Variants in SCN10A observed in about 807,000 individuals in gnomAD.
SCN10A encodes sodium voltage-gated channel alpha subunit 10.
In SCN10A, 162 loss-of-function variants were observed where a neutral mutation model predicts 170.7. The ratio of observed to expected loss-of-function variants is 0.95; its 90% CI spans 0.84 to 1.08. The LOEUF is 1.08. Ranked by LOEUF, SCN10A falls within the 50% of genes least tolerant of loss-of-function variation. The probability of loss-of-function intolerance (pLI) is 0.00; values close to 1 mark genes in which losing one functional copy is unlikely to be tolerated. For synonymous variants in SCN10A, 985 were observed against 904.6 expected, an observed-to-expected ratio of 1.09 and a Z score of -1.59; for missense variants, 2,527 against 2,436.9, an observed-to-expected ratio of 1.04 and a Z score of -0.78.
chr3:38,751,158 T>C (rs2063743004), intron 12 of SCN10A, among the ~76,000 whole-genome samples: 1 of 152,226 alleles, frequency 6.6e-6, no homozygotes, highest in Non-Finnish European at 1.5e-5. Context: ...TCCTGTGCTA[T>C]GGCTGAGTAG....
rs367548480 is a variant in SCN10A at position 38,750,123 on chromosome 3, C to T, written c.1817G>A (p.Arg606Gln). ...GACAACACTCATTGCCCTTTGGGCC[C>T]GGAAAGGTTCATCTAAGTATTCTGC... is the stretch of plus-strand genomic sequence containing the variant. ...LSAEYLDEPF[R>Q]AQRAMSVVSI... The change falls in exon 13 of 28, where the codon CGG (arginine) becomes CAG (glutamine). Residue 606 changes from arginine to glutamine, a missense_variant. Physicochemically the swap from Arg to Gln is conservative, Grantham distance 43. Transcript: ENST00000449082. 1.5e-5 allele frequency: 24 copies of T among 1,612,982 alleles called. No individual in the cohort carries two copies. Among genetic ancestry groups the T allele is most frequent in the East Asian group, 1.3e-4 (6 of 44,866 alleles).
chr3:38,724,188 A>G (rs946924844), intron 18 of SCN10A, among the ~76,000 whole-genome samples: 12 of 152,068 alleles, frequency 7.9e-5, no homozygotes, highest in African/African-American at 2.7e-4. Flanking sequence ...ACAGCCCCCA[A>G]ATCCCGTCCC....
Position 38,725,275 on chromosome 3 carries a change from G to GAA in SCN10A, c.3126_3127insTT (p.Leu1043PhefsTer2), listed in dbSNP as rs2063441450. The GAA allele has an allele frequency of 5.6e-6, 9 of 1,598,834 alleles. No individual in the cohort carries two copies. The highest frequency in any genetic ancestry group is 7.7e-6 in the Non-Finnish European group (9 of 1,168,942). Reference sequence around the variant, plus strand: ...CCAGTGCCTGGGCTCCTGGGTGTCAGGTGGTCCCCACACCTCTCGACTTGC... The same window carrying GAA: ...CCAGTGCCTGGGCTCCTGGGTGTCAGAAGTGGTCCCCACACCTCTCGACTTGC... On this transcript the variant is annotated frameshift_variant, in exon 18 of 28. Transcript: ENST00000449082. LOFTEE classifies it high-confidence loss of function.
rs1419066976 is a variant in SCN10A, at chr3:38,761,389, G to A, written c.692-6C>T. The A allele has an allele frequency of 6.2e-7, 1 of 1,610,692 alleles. No homozygotes were observed. The highest frequency in any genetic ancestry group is 8.5e-7 in the Non-Finnish European group (1 of 1,178,068). On this transcript the variant is annotated splice_region_variant and splice_polypyrimidine_tract_variant and intron_variant, in intron 6 of 27. Coordinates refer to ENST00000449082, the MANE Select transcript of SCN10A (RefSeq NM_006514.4). ...CCCCACAATGACCTTCAGGCCTGCG[G>A]GAAGATGACAGTGGTATGACCACAT...
In SCN10A at chr3:38,704,224, G is replaced by A. The variant is rs145585399; in HGVS notation, c.4387-2115C>T. ...GGTGGGGATGGGTTGCTATCCTGTT[G>A]GGTTAGAGCAAAGAATCAGACCAAA... On this transcript the variant is annotated intron_variant, in intron 26 of 27. Transcript: ENST00000449082. Among the ~76,000 whole-genome samples the A allele has an allele frequency of 3.3e-3, 509 of 152,296 alleles. 5 individuals are homozygous for A. Among genetic ancestry groups the A allele is most frequent in the African/African-American group, 0.012 (494 of 41,554 alleles).
intron 1 of SCN10A, 46 bp downstream of exon 1, chr3:38,815,991 A>G (rs2064473721): frequency 6.6e-6 from 1 of 152,208 alleles, no homozygotes; most frequent in Admixed American, 6.5e-5. Context: ...CCAAGCACAT[A>G]TCTTTACACT....
At chr3:38,756,239 T>A (rs1399518626) in intron 10 of SCN10A, among the ~76,000 whole-genome samples, 1 of 152,088 alleles carries the variant, frequency 6.6e-6, no homozygotes, top group African/African-American at 2.4e-5. Flanking sequence ...GGCTCATACT[T>A]GCAGCATTCT....
intron 1 of SCN10A, among the ~76,000 whole-genome samples, chr3:38,812,769 C>A (rs886795782): frequency 6.6e-6 from 1 of 152,166 alleles, no homozygotes; most frequent in African/African-American, 2.4e-5. Flanking sequence ...CATGGTAGCT[C>A]ACACCTGTAA....
chr3:38,709,147 A>G (rs2063243431), intron 25 of SCN10A, among the ~76,000 whole-genome samples: 1 of 152,080 alleles, frequency 6.6e-6, no homozygotes, highest in Admixed American at 6.5e-5. Context: ...ATATCCCCCA[A>G]CAGGTCAGCA....
chr3:38,768,029 T>A (rs1261844490), intron 5 of SCN10A, among the ~76,000 whole-genome samples: 4 of 152,082 alleles, frequency 2.6e-5, no homozygotes, highest in African/African-American at 9.7e-5. Flanking sequence ...TGCTTTAAGG[T>A]CTGTTTTCTC....
intron 1 of SCN10A, among the ~76,000 whole-genome samples, chr3:38,803,356 T>C (rs1237353814): frequency 2.0e-5 from 3 of 152,126 alleles, no homozygotes; most frequent in Non-Finnish European, 4.4e-5. Flanking sequence ...CACACATATG[T>C]TTATTGCAGC....
chr3:38,765,861 G>C (rs1032146568), intron 5 of SCN10A, among the ~76,000 whole-genome samples: 1 of 151,972 alleles, frequency 6.6e-6, no homozygotes, highest in Non-Finnish European at 1.5e-5. Context: ...CATGGGATGT[G>C]TTCCCATTTG....
At chr3:38,746,075 A>G (rs1173380983) in intron 13 of SCN10A, among the ~76,000 whole-genome samples, 985 of 83,608 alleles carry the variant, frequency 0.012, 74 homozygotes, top group African/African-American at 0.033. Context: ...ATATATATAT[A>G]TATATATATA....
intron 20 of SCN10A, among the ~76,000 whole-genome samples, chr3:38,720,088 C>A (rs1428309125): frequency 6.6e-6 from 1 of 152,222 alleles, no homozygotes; most frequent in African/African-American, 2.4e-5. Flanking sequence ...TGCTTCAGGG[C>A]TTTCCATGGG....
intron 5 of SCN10A, among the ~76,000 whole-genome samples, chr3:38,770,921 T>C (rs1342283380): frequency 6.6e-6 from 1 of 152,182 alleles, no homozygotes; most frequent in East Asian, 1.9e-4. Context: ...ATATTTTGTG[T>C]GGCTTCCTAA....
chr3:38,794,699 T>C (rs1224639180), intron 1 of SCN10A, among the ~76,000 whole-genome samples: 2 of 152,182 alleles, frequency 1.3e-5, no homozygotes, highest in African/African-American at 4.8e-5. Context: ...TCTAGAACAG[T>C]TCCCCTGAAC....
In SCN10A at chr3:38,748,644, C is replaced by T. The variant is rs115279590; in HGVS notation, c.1867+1429G>A. On this transcript the variant is annotated intron_variant, in intron 13 of 27. Transcript: ENST00000449082. ...TGGCTCTTCTCTCTCTAGTTTCCCT[C>T]TATGGGTCTCACTCATCTTTTTCCA... is the stretch of plus-strand genomic sequence containing the variant. Among the ~76,000 whole-genome samples the T allele has an allele frequency of 5.2e-3, 795 of 152,246 alleles. 8 individuals are homozygous for T. The highest frequency in any genetic ancestry group is 0.017 in the African/African-American group (726 of 41,526).
chr3:38,749,530 C>T (rs2063726358), intron 13 of SCN10A, among the ~76,000 whole-genome samples: 1 of 152,104 alleles, frequency 6.6e-6, no homozygotes, highest in Non-Finnish European at 1.5e-5. Flanking sequence ...TGAGTGGATT[C>T]CCACTTGATT....
At chr3:38,769,965 G>C (rs2063980287) in intron 5 of SCN10A, among the ~76,000 whole-genome samples, 1 of 152,332 alleles carries the variant, frequency 6.6e-6, no homozygotes, top group African/African-American at 2.4e-5. Context: ...GAAGGTGGCA[G>C]AGGAATGAAG....
Sources: gnomAD v4.1 joint callset for allele counts (sites outside exome capture counted in the v4.1 genomes callset) on GRCh38, gnomAD v4.1.1 for gene constraint, MANE v1.5 for transcripts, NCBI Gene and HGNC (gene_info 2026-07-23, HGNC 2026-07-21) for gene names.